The following FRMPD4 variants were observed in gnomAD, a reference collection of about 807,000 sequenced individuals.
FRMPD4 encodes FERM and PDZ domain containing 4.
FRMPD4 carries 22 observed loss-of-function variants against 94.1 expected under a neutral mutation model. The observed-to-expected ratio is 0.23, with a 90% CI of 0.17 to 0.33. FRMPD4 has a LOEUF of 0.33. Among genes scored for constraint, FRMPD4 ranks in the 10% least tolerant of loss-of-function variants. The probability of loss-of-function intolerance (pLI) is 1.00; values close to 1 mark genes in which losing one functional copy is unlikely to be tolerated. For missense variants in FRMPD4, 1,111 were observed against 1,339.9 expected (o/e 0.83, Z 2.67); for synonymous variants, 631 against 548.6 (o/e 1.15, Z -2.10).
intron 1 of FRMPD4, among the ~76,000 whole-genome samples, chrX:12,481,009 A>T (rs966926473): frequency 9.0e-6 from 1 of 111,695 alleles, no homozygotes. Context: ...CACACTGTTA[A>T]GGAGGTAGAG....
chrX:12,313,037 A>G (rs1439493361), intron 1 of FRMPD4, among the ~76,000 whole-genome samples: 1 of 111,735 alleles, frequency 8.9e-6, no homozygotes, highest in Non-Finnish European at 1.9e-5. Flanking sequence ...GAAGGAGGAA[A>G]AACAAGGTCC....
chrX:12,697,555 G>A (rs1183343414), intron 9 of FRMPD4, among the ~76,000 whole-genome samples: 4 of 112,396 alleles, frequency 3.6e-5, no homozygotes, highest in Non-Finnish European at 5.6e-5. Context: ...GAACAATGTG[G>A]TTGCATTTGT....
chrX:12,285,576 G>A (rs943902706), intron 1 of FRMPD4, among the ~76,000 whole-genome samples: 7 of 111,590 alleles, frequency 6.3e-5, no homozygotes, highest in African/African-American at 2.3e-4. Flanking sequence ...TAACTTAGGT[G>A]TTTCTTGTAG....
chrX:12,462,810 GA>G (rs1042019318), intron 1 of FRMPD4, among the ~76,000 whole-genome samples: 2 of 111,264 alleles, frequency 1.8e-5, no homozygotes, highest in African/African-American at 6.5e-5. Context: ...GCAACATAGT[GA>G]AACCCCGTCT....
chrX:12,057,048 T>C (rs2054858325), intron 3 of FRMPD4, among the ~76,000 whole-genome samples: 1 of 112,097 alleles, frequency 8.9e-6, no homozygotes, highest in South Asian at 3.7e-4. Flanking sequence ...AAACAAGGAA[T>C]AAAAACACTA....
chrX:12,435,173 A>G (rs775939525), intron 1 of FRMPD4, among the ~76,000 whole-genome samples: 11 of 111,757 alleles, frequency 9.8e-5, no homozygotes, highest in Non-Finnish European at 3.8e-5. Context: ...ACTATTATAA[A>G]TGGAGTCCAT....
intron 3 of FRMPD4, among the ~76,000 whole-genome samples, chrX:11,993,948 G>C (rs932767289): frequency 7.2e-5 from 8 of 111,270 alleles, no homozygotes; most frequent in Non-Finnish European, 1.5e-4. Context: ...TTTCCAAAGA[G>C]TGATTTATGT....
intron 1 of FRMPD4, among the ~76,000 whole-genome samples, chrX:12,479,367 CAT>C (rs1252246080): frequency 1.0e-4 from 2 of 19,786 alleles, no homozygotes; most frequent in Non-Finnish European, 2.3e-4. Context: ...CACACACACA[CAT>C]ATACATATAT....
intron 1 of FRMPD4, among the ~76,000 whole-genome samples, chrX:12,172,813 C>G (rs902066962): frequency 1.8e-5 from 2 of 112,417 alleles, no homozygotes; most frequent in Non-Finnish European, 3.8e-5. Context: ...ACAGCCAAAT[C>G]CATCATAGAA....
chrX:12,398,640 A>G (rs991045665), intron 1 of FRMPD4, among the ~76,000 whole-genome samples: 2 of 111,728 alleles, frequency 1.8e-5, no homozygotes, highest in African/African-American at 6.5e-5. Flanking sequence ...TGGTCCTAAA[A>G]CGCCAGTTTC....
chrX:12,109,567 T>A (rs1601944247), intron 3 of FRMPD4, among the ~76,000 whole-genome samples: 1 of 111,301 alleles, frequency 9.0e-6, no homozygotes, highest in East Asian at 2.8e-4. Flanking sequence ...GAGAAATAAC[T>A]AAGATCAGAG....
chrX:12,601,635 T>G (rs945443260), intron 2 of FRMPD4, among the ~76,000 whole-genome samples: 14 of 112,249 alleles, frequency 1.2e-4, no homozygotes, highest in African/African-American at 4.5e-4. Context: ...TCGTATTATA[T>G]TCCTGCTGGT....
At chrX:12,588,087 C>T (rs892460361) in intron 2 of FRMPD4, among the ~76,000 whole-genome samples, 2 of 112,220 alleles carry the variant, frequency 1.8e-5, no homozygotes, top group African/African-American at 3.2e-5. Flanking sequence ...CTCCTGGGTT[C>T]AAACGATTCT....
intron 3 of FRMPD4, among the ~76,000 whole-genome samples, chrX:11,977,502 CCT>C (rs1432154716): frequency 5.3e-5 from 6 of 112,427 alleles, no homozygotes; most frequent in African/African-American, 1.9e-4. Flanking sequence ...AAAGAGTCTA[CCT>C]CTGTAAAATA....
chrX:12,627,110 T>C (rs185246071), intron 4 of FRMPD4, among the ~76,000 whole-genome samples: 1 of 110,941 alleles, frequency 9.0e-6, no homozygotes, highest in East Asian at 2.9e-4. Flanking sequence ...ACCCTTTCTC[T>C]ACTAAAAATA....
rs2055862781 is a variant in FRMPD4 at position 12,152,248 on chromosome X, C to A, written c.41+13236C>A. On this transcript the variant is annotated intron_variant, in intron 1 of 16. Transcript: ENST00000675598. The stretch of plus-strand genomic sequence containing the variant: ...TTCCATTGTTTTACCATATAATGGG[C>A]AAATTCAAAGAAATTCATCTATGAG... 2.7e-5 allele frequency among the ~76,000 whole-genome samples: 3 copies of A among 111,664 alleles called. No homozygotes were observed. The Admixed American group carries it at 2.9e-4, about 11-fold the overall frequency.
chrX:12,688,380 C>T (rs942077469), intron 7 of FRMPD4, among the ~76,000 whole-genome samples: 5 of 112,130 alleles, frequency 4.5e-5, no homozygotes, highest in Non-Finnish European at 9.4e-5. Flanking sequence ...GGAACATATG[C>T]AAGACTAAGT....
chrX:12,684,690 T>C (rs1176153007), intron 6 of FRMPD4, among the ~76,000 whole-genome samples: 1 of 112,389 alleles, frequency 8.9e-6, no homozygotes, highest in East Asian at 2.8e-4. Flanking sequence ...GAGGAATCAA[T>C]ATGTAGCAGA....
chrX:12,374,528 A>G (rs2056207182), intron 1 of FRMPD4, among the ~76,000 whole-genome samples: 1 of 111,771 alleles, frequency 8.9e-6, no homozygotes, highest in South Asian at 3.8e-4. Flanking sequence ...GGGATGCCAA[A>G]TACGCTGTAA....
Sources: allele counts gnomAD v4.1 joint callset (sites outside exome capture counted in the v4.1 genomes callset), GRCh38; gene constraint gnomAD v4.1.1; transcripts MANE v1.5; gene names NCBI Gene and HGNC (gene_info 2026-07-23, HGNC 2026-07-21).